ORC3: variants seen among roughly 807,000 people sequenced by gnomAD.
ORC3 encodes origin recognition complex subunit 3.
In ORC3, 78 loss-of-function variants were observed where a neutral mutation model predicts 100.7. The observed-to-expected ratio is 0.77, with a 90% CI of 0.65 to 0.94. ORC3 has a LOEUF of 0.94. Among genes scored for constraint, ORC3 ranks in the 40% least tolerant of loss-of-function variants. The probability of loss-of-function intolerance (pLI) is 0.00; values close to 1 mark genes in which losing one functional copy is unlikely to be tolerated. For synonymous variants in ORC3, 295 were observed against 289.3 expected (o/e 1.02, Z -0.20); for missense variants, 789 against 823.9 (o/e 0.96, Z 0.52).
rs192172536 is a variant in ORC3, at chr6:87,654,093, A to G, written c.1516+844A>G. Among the ~76,000 whole-genome samples, 95 of 152,288 alleles carry G rather than the reference A, an allele frequency of 6.2e-4. 1 individual carries two copies. The highest frequency in any genetic ancestry group is 2.2e-3 in the African/African-American group (90 of 41,548). On this transcript the variant is annotated intron_variant, in intron 14 of 19. Coordinates refer to ENST00000392844, the MANE Select transcript of ORC3 (RefSeq NM_012381.4). Reference sequence around the variant, plus strand: ...TTGGGGGAACAGGTAGTTTTTTCATATATAATCACATAGAATTGGACATGA... The same window carrying G: ...TTGGGGGAACAGGTAGTTTTTTCATGTATAATCACATAGAATTGGACATGA...
chr6:87,603,718 G>A (rs1778137708), intron 4 of ORC3, among the ~76,000 whole-genome samples, 190 bp downstream of exon 4: 1 of 152,080 alleles, frequency 6.6e-6, no homozygotes, highest in Non-Finnish European at 1.5e-5. Context: ...TATCTTTACA[G>A]ACGATCATAT....
chr6:87,676,319 G>T, the ORC3 span, among the ~76,000 whole-genome samples: 48 of 148,860 alleles, frequency 3.2e-4, 1 homozygote, highest in African/African-American at 1.2e-3. Context: ...AAAAAAATTA[G>T]CTGGGCATGG....
chr6:87,607,499 A>G (rs1778427675), intron 5 of ORC3, among the ~76,000 whole-genome samples, 174 bp from the exon 6 acceptor site: 1 of 152,164 alleles, frequency 6.6e-6, no homozygotes, highest in African/African-American at 2.4e-5. Context: ...TGAAGGTACT[A>G]ATGAGCATCA....
intron 11 of ORC3, among the ~76,000 whole-genome samples, chr6:87,633,331 C>G (rs1320063658): frequency 3.3e-5 from 5 of 152,156 alleles, no homozygotes; most frequent in Non-Finnish European, 7.3e-5. Context: ...AAGTTTAGAA[C>G]TAAAGTATAC....
intron 5 of ORC3, among the ~76,000 whole-genome samples, 159 bp downstream of exon 5, chr6:87,606,180 G>T (rs1011833284): frequency 1.3e-5 from 2 of 152,162 alleles, no homozygotes; most frequent in African/African-American, 4.8e-5. Context: ...GAGTAATTGT[G>T]ACTATTACAG....
Position 87,667,292 on chromosome 6 carries a change from A to G in ORC3, c.*169A>G. On this transcript the variant is annotated 3_prime_UTR_variant, in exon 20 of 20. Coordinates refer to ENST00000392844, the MANE Select transcript of ORC3 (RefSeq NM_012381.4). Reference sequence around the variant, plus strand: ...GCTAACCCCAAACAGGCATGTATCAAAACACCTGTGGAGTACTTTAGACTC... The same window carrying G: ...GCTAACCCCAAACAGGCATGTATCAGAACACCTGTGGAGTACTTTAGACTC... 1 of 520,456 alleles carries G rather than the reference A, an allele frequency of 1.9e-6. No homozygotes were observed. Among genetic ancestry groups the G allele is most frequent in the Non-Finnish European group, 3.4e-6 (1 of 296,772 alleles). The allele number at this position is 520,456 out of a possible 1,614,324, so 32.2% of individuals were successfully genotyped here.
At chr6:87,629,456 T>A (rs1780151586) in intron 11 of ORC3, among the ~76,000 whole-genome samples, 1 of 152,246 alleles carries the variant, frequency 6.6e-6, no homozygotes, top group South Asian at 2.1e-4. Flanking sequence ...CTAGCCTTTT[T>A]TTCTTTACCT....
intron 11 of ORC3, among the ~76,000 whole-genome samples, chr6:87,623,884 T>TA (rs35138678): frequency 1.4e-4 from 21 of 150,648 alleles, no homozygotes; most frequent in East Asian, 7.8e-4. Flanking sequence ...ACTCTGTCTT[T>TA]AAAAAAAAAC....
rs565726953 is a variant in ORC3, at chr6:87,629,237, T to C, written c.1186-5608T>C. 1.2e-4 allele frequency among the ~76,000 whole-genome samples: 18 copies of C among 152,350 alleles called. 1 individual carries two copies. The South Asian group carries it at 3.3e-3, about 28-fold the overall frequency. ...GTGTTCTTAGACAGCTGATATCTCT[T>C]AATCCTAAAATTCAACAGTCTGTTT... is the stretch of plus-strand genomic sequence containing the variant. On this transcript the variant is annotated intron_variant, in intron 11 of 19. Transcript: ENST00000392844.
At chr6:87,605,392 T>C (rs1778255046) in intron 4 of ORC3, among the ~76,000 whole-genome samples, 1 of 152,252 alleles carries the variant, frequency 6.6e-6, no homozygotes, top group Non-Finnish European at 1.5e-5. Flanking sequence ...GGCTCACGCC[T>C]GTAATCCCAG....
intron 16 of ORC3, among the ~76,000 whole-genome samples, chr6:87,661,546 G>GC (rs1305665553): frequency 1.3e-5 from 2 of 152,144 alleles, no homozygotes; most frequent in East Asian, 1.9e-4. Context: ...AGAGCTCCTG[G>GC]CCACATCGGG....
At chr6:87,665,669 A>G (rs1026743052) in intron 18 of ORC3, 85 bp from the exon 19 acceptor site, 20 of 745,956 alleles carry the variant, frequency 2.7e-5, no homozygotes, top group African/African-American at 5.3e-5. Flanking sequence ...TGTGCCAGCT[A>G]TCAACAGCCA....
chr6:87,617,878 A>C (rs1431637595), intron 9 of ORC3, among the ~76,000 whole-genome samples: 1 of 152,230 alleles, frequency 6.6e-6, no homozygotes, highest in Non-Finnish European at 1.5e-5. Context: ...TCCTTCAAAA[A>C]AAGATTGCAG....
intron 2 of ORC3, among the ~76,000 whole-genome samples, chr6:87,598,835 T>G (rs1218306397): frequency 6.6e-6 from 1 of 152,194 alleles, no homozygotes; most frequent in Non-Finnish European, 1.5e-5. Context: ...ACTGAAGAAG[T>G]AGGAAGATGC....
intron 11 of ORC3, among the ~76,000 whole-genome samples, chr6:87,626,787 C>CA (rs11321781): frequency 4.1e-4 from 50 of 123,454 alleles, no homozygotes; most frequent in South Asian, 1.5e-3. Flanking sequence ...ACTCTGTCTC[C>CA]AAAAAAAAAA....
chr6:87,633,762 C>T (rs1767604432), intron 11 of ORC3, among the ~76,000 whole-genome samples: 1 of 152,108 alleles, frequency 6.6e-6, no homozygotes, highest in Non-Finnish European at 1.5e-5. Flanking sequence ...GACCATGGCA[C>T]AGATGATAAT....
At chr6:87,627,297 CTT>C (rs71554739) in intron 11 of ORC3, among the ~76,000 whole-genome samples, 37 of 113,382 alleles carry the variant, frequency 3.3e-4, no homozygotes, top group Non-Finnish European at 4.4e-4. Flanking sequence ...CCGCGCCCAG[CTT>C]TTTTTTTTTT....
intron 16 of ORC3, among the ~76,000 whole-genome samples, chr6:87,659,727 C>T (rs28381530): frequency 0.11 from 16,462 of 151,774 alleles, 939 homozygotes; most frequent in East Asian, 0.15. Flanking sequence ...ACTAAAAATA[C>T]GAAAAATAGC....
chr6:87,652,974 C>T (rs868245326), intron 13 of ORC3, 142 bp from the exon 14 acceptor site: 4 of 594,688 alleles, frequency 6.7e-6, no homozygotes, highest in Non-Finnish European at 8.3e-6. Flanking sequence ...AGGAAAATCT[C>T]TCCAAAAAAT....
Sources: gnomAD v4.1 joint callset for allele counts (sites outside exome capture counted in the v4.1 genomes callset) on GRCh38, gnomAD v4.1.1 for gene constraint, MANE v1.5 for transcripts, NCBI Gene and HGNC (gene_info 2026-07-23, HGNC 2026-07-21) for gene names.